The following KLF12 variants were observed in gnomAD, a reference collection of about 807,000 sequenced individuals.
The protein encoded by KLF12 is Krueppel-like factor 12.
Under a neutral mutation model 37.8 loss-of-function variants are expected in KLF12, and 9 were observed. The ratio of observed to expected loss-of-function variants is 0.24; its 90% CI spans 0.14 to 0.42. The LOEUF (loss-of-function observed/expected upper bound fraction) is 0.42. Among genes scored for constraint, KLF12 ranks in the 10% least tolerant of loss-of-function variants. KLF12 has a pLI of 1.00. For missense variants in KLF12, 411 were observed against 516.0 expected, an observed-to-expected ratio of 0.80 and a Z score of 1.97; for synonymous variants, 208 against 202.1, an observed-to-expected ratio of 1.03 and a Z score of -0.25.
chr13:73,690,609 T>TAG lies in KLF12; in HGVS notation c.*4880_*4881insCT, dbSNP rs1434443807. On this transcript the variant is annotated 3_prime_UTR_variant, in exon 8 of 8. Transcript: ENST00000377669. ...GCTAAACCATGACAAGTGGCCACTC[T>TAG]ATTTTGAACAGAACACGAAGAGCAT... The TAG allele has an allele frequency of 1.3e-5, 2 of 152,260 alleles. No homozygotes were observed. Among genetic ancestry groups the TAG allele is most frequent in the African/African-American group, 4.8e-5 (2 of 41,476 alleles). The allele number at this position is 152,260 out of a possible 1,614,324, so 9.4% of individuals were successfully genotyped here. A position where few individuals can be genotyped will look rare whatever the true frequency, so the allele number is the denominator to read the frequency against.
intron 1 of KLF12, among the ~76,000 whole-genome samples, chr13:74,046,357 C>T (rs1261600292): frequency 6.6e-6 from 1 of 152,024 alleles, no homozygotes; most frequent in Non-Finnish European, 1.5e-5. Context: ...GCCTTCCATA[C>T]AAGGTTAAAT....
chr13:73,955,048 T>G (rs1890789495), intron 2 of KLF12, among the ~76,000 whole-genome samples: 1 of 152,230 alleles, frequency 6.6e-6, no homozygotes, highest in Non-Finnish European at 1.5e-5. Flanking sequence ...GACTTTCTTC[T>G]GGTTTCAGTT....
intron 3 of KLF12, among the ~76,000 whole-genome samples, chr13:73,852,542 G>T (rs980177639): frequency 2.0e-5 from 3 of 152,176 alleles, no homozygotes; most frequent in African/African-American, 7.2e-5. Flanking sequence ...AACATTTTGG[G>T]AGGCTGAGGC....
intron 6 of KLF12, among the ~76,000 whole-genome samples, chr13:73,745,114 T>A (rs1878270500): frequency 6.6e-6 from 1 of 152,204 alleles, no homozygotes; most frequent in African/African-American, 2.4e-5. Context: ...GAATTTGTGG[T>A]TAATGCATCC....
At chr13:73,749,528 C>T (rs925731552) in intron 6 of KLF12, among the ~76,000 whole-genome samples, 1 of 152,088 alleles carries the variant, frequency 6.6e-6, no homozygotes, top group Non-Finnish European at 1.5e-5. Context: ...GGGGGTGATG[C>T]TTTTTTATTG....
the KLF12 span, among the ~76,000 whole-genome samples, chr13:74,280,544 C>A: frequency 3.3e-4 from 50 of 152,316 alleles, no homozygotes; most frequent in African/African-American, 1.0e-3. Flanking sequence ...TGTCAGTAGT[C>A]AGGGAGGCTA....
At chr13:74,263,870 G>C in the KLF12 span, among the ~76,000 whole-genome samples, 1 of 152,290 alleles carries the variant, frequency 6.6e-6, no homozygotes, top group East Asian at 1.9e-4. Flanking sequence ...GGCTTTTACT[G>C]ATTTTGGAGT....
chr13:74,035,755 A>G (rs893289676), intron 1 of KLF12, among the ~76,000 whole-genome samples: 28 of 152,250 alleles, frequency 1.8e-4, no homozygotes, highest in African/African-American at 5.8e-4. Flanking sequence ...ATGGGTAAGT[A>G]TCAGCATCTC....
chr13:74,025,850 C>T (rs1445240241), intron 1 of KLF12, among the ~76,000 whole-genome samples: 1 of 152,082 alleles, frequency 6.6e-6, no homozygotes, highest in Non-Finnish European at 1.5e-5. Flanking sequence ...CAGGTAGATA[C>T]AAAGGCATCT....
At chr13:74,119,576 T>G (rs1877504734) in intron 1 of KLF12, among the ~76,000 whole-genome samples, 1 of 152,172 alleles carries the variant, frequency 6.6e-6, no homozygotes, top group African/African-American at 2.4e-5. Context: ...AAATTAAGAA[T>G]TCTTTCACTG....
chr13:73,963,078 TATATC>T (rs1891067191), intron 2 of KLF12, among the ~76,000 whole-genome samples: 1 of 152,178 alleles, frequency 6.6e-6, no homozygotes, highest in Non-Finnish European at 1.5e-5. Context: ...CATGGGCAAA[TATATC>T]ATTCTGCATT....
At chr13:74,191,312 T>C in the KLF12 span, among the ~76,000 whole-genome samples, 5 of 152,222 alleles carry the variant, frequency 3.3e-5, no homozygotes, top group African/African-American at 1.2e-4. Flanking sequence ...GGTTTCTTTA[T>C]TGTTGCCTTA....
At chr13:74,275,189 A>G in the KLF12 span, among the ~76,000 whole-genome samples, 2 of 152,166 alleles carry the variant, frequency 1.3e-5, no homozygotes, top group Non-Finnish European at 2.9e-5. Flanking sequence ...TTTGCAGACC[A>G]GTAAGGAGGT....
intron 2 of KLF12, among the ~76,000 whole-genome samples, chr13:73,972,129 G>C (rs1891364862): frequency 6.6e-6 from 1 of 152,072 alleles, no homozygotes; most frequent in East Asian, 1.9e-4. Flanking sequence ...AGTAAAGGGA[G>C]GAAAAAACAT....
At chr13:74,264,788 T>C in the KLF12 span, among the ~76,000 whole-genome samples, 1,338 of 152,304 alleles carry the variant, frequency 8.8e-3, 17 homozygotes, top group African/African-American at 0.03. Flanking sequence ...ATAAATATAC[T>C]TAACAATTTG....
chr13:74,194,953 A>G, the KLF12 span, among the ~76,000 whole-genome samples: 2 of 152,194 alleles, frequency 1.3e-5, no homozygotes, highest in Admixed American at 6.5e-5. Flanking sequence ...CAACTCTTTC[A>G]GGACTCACTT....
chr13:74,086,861 T>C (rs1332075185), intron 1 of KLF12, among the ~76,000 whole-genome samples: 1 of 152,072 alleles, frequency 6.6e-6, no homozygotes, highest in Non-Finnish European at 1.5e-5. Context: ...CTAGAGAAAA[T>C]AAAATGTTAT....
chr13:74,290,973 T>C, the KLF12 span, among the ~76,000 whole-genome samples: 3,662 of 152,334 alleles, frequency 0.024, 166 homozygotes, highest in African/African-American at 0.084. Context: ...TAGCTGAATA[T>C]TGTCCCACTG....
chr13:73,736,910 T>C (rs763395105), intron 6 of KLF12, among the ~76,000 whole-genome samples: 15 of 152,350 alleles, frequency 9.8e-5, no homozygotes, highest in Non-Finnish European at 1.9e-4. Context: ...TTATGGTTTC[T>C]AGTTTTTATT....
Sources: gnomAD v4.1 joint callset for allele counts (sites outside exome capture counted in the v4.1 genomes callset) on GRCh38, gnomAD v4.1.1 for gene constraint, MANE v1.5 for transcripts, NCBI Gene and HGNC (gene_info 2026-07-23, HGNC 2026-07-21) for gene names.